MAPK6: variants seen among roughly 807,000 people sequenced by gnomAD.
The protein encoded by MAPK6 is mitogen-activated protein kinase 6.
A neutral mutation model predicts 59.3 loss-of-function variants in MAPK6; 19 were observed. The observed-to-expected ratio is 0.32, with a 90% CI of 0.22 to 0.47. The LOEUF (loss-of-function observed/expected upper bound fraction) is 0.47. Among genes scored for constraint, MAPK6 ranks in the 20% least tolerant of loss-of-function variants. The pLI, the probability that MAPK6 is intolerant of heterozygous loss-of-function variation, is 1.00. For synonymous variants in MAPK6, 316 were observed against 290.3 expected, an observed-to-expected ratio of 1.09 and a Z score of -0.90; for missense variants, 724 against 847.9, an observed-to-expected ratio of 0.85 and a Z score of 1.81.
At chr15:52,060,273 T>G (rs971208808) in intron 4 of MAPK6, among the ~76,000 whole-genome samples, 2 of 152,062 alleles carry the variant, frequency 1.3e-5, no homozygotes, top group African/African-American at 4.8e-5. Flanking sequence ...AAAAGGGTTC[T>G]TTCTAGAGTA....
chr15:52,064,262 T>C lies in MAPK6; in HGVS notation c.1428T>C (p.Leu476=). 6.2e-7 allele frequency: 1 copy of C among 1,610,800 alleles called. No individual in the cohort carries two copies. Among genetic ancestry groups the C allele is most frequent in the Non-Finnish European group, 8.5e-7 (1 of 1,179,498 alleles). ...ATGAACCCAAGCTTATTATAGATCT[T>C]TCCAATTGGAAAGAACAAAGCAAAG... ...HYYEPKLIID[L]SNWKEQSKEK... Residue 476 remains leucine (L), a synonymous_variant, in exon 6 of 6, where the codon CTT becomes CTC. Coordinates refer to ENST00000261845, the MANE Select transcript of MAPK6 (RefSeq NM_002748.4).
At chr15:52,032,186 ATTTTTTTTTTTT>A (rs566086048) in intron 1 of MAPK6, among the ~76,000 whole-genome samples, 1 of 92,484 alleles carries the variant, frequency 1.1e-5, no homozygotes, top group Non-Finnish European at 2.2e-5. Flanking sequence ...ACAATTTTTA[ATTTTTTTTTTTT>A]TTTTTTTTTT....
intron 3 of MAPK6, among the ~76,000 whole-genome samples, chr15:52,005,136 A>C (rs896258354): frequency 1.3e-5 from 2 of 152,052 alleles, no homozygotes; most frequent in East Asian, 3.9e-4. Flanking sequence ...AACAAACAAA[A>C]CCCCCCAAAT....
exon 1 of MAPK6, chr15:51,971,841 G>A: frequency 1.5e-6 from 2 of 1,323,230 alleles, no homozygotes; most frequent in Non-Finnish European, 2.2e-6. Flanking sequence ...GCAAAGATTC[G>A]CCGAAGACAC....
intron 1 of MAPK6, among the ~76,000 whole-genome samples, chr15:51,975,384 T>C (rs905495762): frequency 2.6e-5 from 4 of 151,294 alleles, no homozygotes; most frequent in African/African-American, 9.7e-5. Context: ...CTACTAAGAA[T>C]ACAAAAATTA....
At chr15:51,974,473 AG>A (rs2057151387) in intron 1 of MAPK6, among the ~76,000 whole-genome samples, 1 of 150,782 alleles carries the variant, frequency 6.6e-6, no homozygotes, top group Non-Finnish European at 1.5e-5. Context: ...TGGCTAACAC[AG>A]TGACCCCGTC....
rs2031590756 is a variant in MAPK6, at chr15:52,046,287, G to A, written c.-174G>A. 1.8e-6 allele frequency: 1 copy of A among 564,210 alleles called. No individual in the cohort carries two copies. The highest frequency in any genetic ancestry group is 3.1e-6 in the Non-Finnish European group (1 of 322,098). 35.0% of individuals were successfully genotyped at this position (564,210 alleles called of 1,614,324 possible). A position where few individuals can be genotyped will look rare whatever the true frequency, so the allele number is the denominator to read the frequency against. On this transcript the variant is annotated 5_prime_UTR_variant, in exon 2 of 6. Transcript: ENST00000261845. ...AGCTTTTTGAGCTTTAAATCTAAGG[G>A]GAACTCGACAGGCCTGTTTGGCATA... is the stretch of plus-strand genomic sequence containing the variant.
chr15:51,994,659 G>A (rs1256386115), intron 2 of MAPK6, among the ~76,000 whole-genome samples: 2 of 152,182 alleles, frequency 1.3e-5, no homozygotes, highest in Non-Finnish European at 1.5e-5. Context: ...TAACTTTACA[G>A]TGGAAAAGTC....
At chr15:52,028,979 C>G (rs2030921458) in intron 1 of MAPK6, among the ~76,000 whole-genome samples, 1 of 152,236 alleles carries the variant, frequency 6.6e-6, no homozygotes, top group South Asian at 2.1e-4. Flanking sequence ...TATTCATCTA[C>G]TTCTCATTTT....
intron 1 of MAPK6, among the ~76,000 whole-genome samples, chr15:51,982,897 T>G (rs74013632): frequency 1.5e-3 from 231 of 152,336 alleles, no homozygotes; most frequent in African/African-American, 5.5e-3. Context: ...GACTGCAGTT[T>G]ATTTCCTTAC....
At chr15:52,019,964 C>G (rs1295780850) in intron 1 of MAPK6, 1 of 152,708 alleles carries the variant, frequency 6.5e-6, no homozygotes, top group Non-Finnish European at 1.5e-5. Context: ...TGGCGTAGCG[C>G]GCAGCGCTCA....
intron 1 of MAPK6, among the ~76,000 whole-genome samples, chr15:52,045,123 T>G (rs1193763032): frequency 1.3e-5 from 2 of 152,146 alleles, no homozygotes; most frequent in Non-Finnish European, 2.9e-5. Context: ...AGTACGCTAT[T>G]TATTTATTCA....
intron 1 of MAPK6, among the ~76,000 whole-genome samples, chr15:52,034,651 C>CT (rs2031176316): frequency 2.6e-5 from 4 of 151,844 alleles, no homozygotes; most frequent in Admixed American, 2.6e-4. Flanking sequence ...CTTCACTTTT[C>CT]TTTTTGTTTT....
chr15:52,030,052 T>G (rs1350961528), intron 1 of MAPK6, among the ~76,000 whole-genome samples: 1 of 152,218 alleles, frequency 6.6e-6, no homozygotes, highest in Non-Finnish European at 1.5e-5. Flanking sequence ...TGCCCTTTGC[T>G]GTGGATGCTG....
In MAPK6 at chr15:52,065,825, C is replaced by T. The variant is rs1259091247; in HGVS notation, c.*825C>T. 3 of 152,712 alleles carry T rather than the reference C, an allele frequency of 2.0e-5. No homozygotes were observed. Among genetic ancestry groups the T allele is most frequent in the South Asian group, 2.1e-4 (1 of 4,828 alleles). 9.5% of individuals were successfully genotyped at this position (152,712 alleles called of 1,614,324 possible). On this transcript the variant is annotated 3_prime_UTR_variant, in exon 6 of 6. Coordinates refer to ENST00000261845, the MANE Select transcript of MAPK6 (RefSeq NM_002748.4). ...TGTCAGCTTATCCTAAGGCTGTCCACGTACTTAATTTACTTAAGTGTTCAT... is the reference window on the plus strand; with the variant it reads ...TGTCAGCTTATCCTAAGGCTGTCCATGTACTTAATTTACTTAAGTGTTCAT...
At chr15:52,016,287 G>A (rs2030268850), upstream of MAPK6, among the ~76,000 whole-genome samples, 1 of 151,198 alleles carries the variant, frequency 6.6e-6, no homozygotes, top group Admixed American at 6.6e-5. Context: ...TACTCAGGAG[G>A]CTGACACAGG....
rs1186123368 is a variant in MAPK6 at position 51,992,295 on chromosome 15, A to ATCTATC, written c.-770+8981_-770+8982insCTATCT. Among the ~76,000 whole-genome samples, 670 of 84,588 alleles carry ATCTATC rather than the reference A, an allele frequency of 7.9e-3. 7 individuals are homozygous for ATCTATC. The highest frequency in any genetic ancestry group is 0.031 in the African/African-American group (488 of 15,654). The allele number at this position is 84,588 out of a possible 152,430, so 55.5% of individuals were successfully genotyped here. A position where few individuals can be genotyped will look rare whatever the true frequency, so the allele number is the denominator to read the frequency against. Reference sequence around the variant, plus strand: ...TCTATCTATCTATCTATCTATCTATATATATATATATTTTTTTTTTTTTTG... The same window carrying ATCTATC: ...TCTATCTATCTATCTATCTATCTATATCTATCTATATATATATTTTTTTTTTTTTTG... On this transcript the variant is annotated intron_variant, in intron 2 of 7. Transcript: ENST00000691380.
At chr15:51,985,979 G>A (rs1297390246) in intron 2 of MAPK6, among the ~76,000 whole-genome samples, 1 of 150,680 alleles carries the variant, frequency 6.6e-6, no homozygotes, top group East Asian at 1.9e-4. Context: ...AAAAAACAAC[G>A]ACAAAAAAAT....
chr15:51,990,845 T>C (rs1050047041), intron 2 of MAPK6, among the ~76,000 whole-genome samples: 3 of 152,116 alleles, frequency 2.0e-5, no homozygotes, highest in African/African-American at 7.2e-5. Flanking sequence ...TCCCGGCTAC[T>C]CGGGAGGCTG....
Sources: allele counts gnomAD v4.1 joint callset (sites outside exome capture counted in the v4.1 genomes callset), GRCh38; gene constraint gnomAD v4.1.1; transcripts MANE v1.5; gene names NCBI Gene and HGNC (gene_info 2026-07-23, HGNC 2026-07-21).